The following TM9SF3 variants were observed in gnomAD, a reference collection of about 807,000 sequenced individuals.
The protein encoded by TM9SF3 is SM-11044-binding protein.
A neutral mutation model predicts 78.6 loss-of-function variants in TM9SF3; 14 were observed. That is an observed-to-expected ratio of 0.18 (90% confidence interval 0.12 to 0.28). TM9SF3 has a LOEUF of 0.28. Ranked by LOEUF, TM9SF3 falls within the 10% of genes least tolerant of loss-of-function variation. The pLI, the probability that TM9SF3 is intolerant of heterozygous loss-of-function variation, is 1.00. For missense variants in TM9SF3, 496 were observed against 721.9 expected (o/e 0.69, Z 3.59); for synonymous variants, 231 against 241.7 (o/e 0.96, Z 0.41).
At position 96,565,182 on chromosome 10, in the gene TM9SF3, G is replaced by A. The variant is rs138213272; in HGVS notation, c.421+122C>T. The A allele has an allele frequency of 3.9e-4, 376 of 967,894 alleles. 2 individuals carry two copies. The East Asian group carries it at 8.3e-3, about 21-fold the overall frequency. The allele number at this position is 967,894 out of a possible 1,614,324, so 60.0% of individuals were successfully genotyped here. A position where few individuals can be genotyped will look rare whatever the true frequency, so the allele number is the denominator to read the frequency against. Reference sequence around the variant, plus strand: ...ATAAAACTGGTATTAAAATCATTCTGTAAAAAACAGTGAAAACACATTTAC... The same window carrying A: ...ATAAAACTGGTATTAAAATCATTCTATAAAAAACAGTGAAAACACATTTAC... On this transcript the variant is annotated intron_variant, in intron 3 of 14. Transcript: ENST00000371142.
chr10:96,583,483 TAGAG>T (rs1413266768), intron 1 of TM9SF3, among the ~76,000 whole-genome samples: 2 of 152,218 alleles, frequency 1.3e-5, no homozygotes, highest in African/African-American at 4.8e-5. Flanking sequence ...AAAATCAATA[TAGAG>T]AACCACTCAA....
At position 96,565,406 on chromosome 10, in the gene TM9SF3, A is replaced by C. The variant is rs1314049584; in HGVS notation, c.319T>G (p.Tyr107Asp). 3 of 1,556,732 alleles carry C rather than the reference A, an allele frequency of 1.9e-6. No individual in the cohort carries two copies. Among genetic ancestry groups the C allele is most frequent in the African/African-American group, 1.4e-5 (1 of 70,884 alleles). Residue 107 changes from tyrosine (Y) to aspartate (D), a missense_variant, in exon 3 of 15, where the codon TAC (tyrosine) becomes GAC (aspartate). Transcript: ENST00000371142. Reference sequence around the variant, plus strand: ...TCTTTATCTAAATCAATTTCACAGTAAGTGGCTGGCATCACATCATCTGCA... The same window carrying C: ...TCTTTATCTAAATCAATTTCACAGTCAGTGGCTGGCATCACATCATCTGCA... ...KFKDDVMPAT[Y>D]CEIDLDKEKR...
At chr10:96,547,846 AATATT>A (rs1293290597) in intron 8 of TM9SF3, 44 bp downstream of exon 8, 1 of 1,474,498 alleles carries the variant, frequency 6.8e-7, no homozygotes. Context: ...CTCATAGTAA[AATATT>A]AGCATCTATA....
In TM9SF3 at chr10:96,586,785, C is replaced by A; in HGVS notation, c.51G>T (p.Trp17Cys). The A allele has an allele frequency of 7.8e-7, 1 of 1,287,760 alleles. No individual in the cohort carries two copies. The highest frequency in any genetic ancestry group is 9.8e-7 in the Non-Finnish European group (1 of 1,015,562). The allele number at this position is 1,287,760 out of a possible 1,614,324, so 79.8% of individuals were successfully genotyped here. A position where few individuals can be genotyped will look rare whatever the true frequency, so the allele number is the denominator to read the frequency against. The change falls in exon 1 of 15, where the codon TGG (tryptophan) becomes TGT (cysteine). Residue 17 changes from tryptophan to cysteine, a missense_variant. Around this residue, in one of 4 missense-constraint regions of TM9SF3, gnomAD observed 58 missense variants for 32.9 expected, o/e 1.76. Coordinates refer to ENST00000371142, the MANE Select transcript of TM9SF3 (RefSeq NM_020123.4). ...TCCGGGGCAGCAGCAGCAGCAGCAGCCACAGCGCGGCGGCCGCCGCCACGC... is the reference window on the plus strand; with the variant it reads ...TCCGGGGCAGCAGCAGCAGCAGCAGACACAGCGCGGCGGCCGCCGCCACGC... ...ALGVAAAAALWLLLLLLPRTR... is the reference protein window; with the variant it reads ...ALGVAAAAALCLLLLLLPRTR...
chr10:96,548,316 C>T (rs1848125359), intron 7 of TM9SF3, among the ~76,000 whole-genome samples: 1 of 152,140 alleles, frequency 6.6e-6, no homozygotes, highest in Admixed American at 6.6e-5. Flanking sequence ...GTAAACCAAT[C>T]CCATAATATG....
chr10:96,565,274 C>T, intron 3 of TM9SF3, 30 bp downstream of exon 3: 1 of 1,467,064 alleles, frequency 6.8e-7, no homozygotes, highest in East Asian at 2.7e-5. Flanking sequence ...CAAATTTTCC[C>T]AAATCTTAAA....
chr10:96,567,249 T>G (rs1053911530), intron 2 of TM9SF3, among the ~76,000 whole-genome samples: 11 of 151,968 alleles, frequency 7.2e-5, no homozygotes, highest in African/African-American at 2.7e-4. Flanking sequence ...CAGGCCCGAC[T>G]AATTTTTTGT....
intron 8 of TM9SF3, among the ~76,000 whole-genome samples, chr10:96,546,156 A>T (rs557171087): frequency 6.6e-6 from 1 of 152,308 alleles, no homozygotes; most frequent in East Asian, 1.9e-4. Flanking sequence ...ACTGTAGTTC[A>T]AATCCTGAGA....
intron 7 of TM9SF3, among the ~76,000 whole-genome samples, chr10:96,549,874 A>G (rs551908497): frequency 1.3e-5 from 2 of 151,592 alleles, no homozygotes; most frequent in Non-Finnish European, 2.9e-5. Flanking sequence ...TTGAAAAGGA[A>G]GCAGCAAAAA....
At chr10:96,538,364 A>G (rs1449732960) in intron 9 of TM9SF3, among the ~76,000 whole-genome samples, 1 of 152,150 alleles carries the variant, frequency 6.6e-6, no homozygotes, top group Non-Finnish European at 1.5e-5. Context: ...CTTAACTCAT[A>G]CTATATATAA....
intron 7 of TM9SF3, among the ~76,000 whole-genome samples, chr10:96,551,044 C>T (rs1848163472): frequency 6.6e-6 from 1 of 152,098 alleles, no homozygotes; most frequent in Admixed American, 6.6e-5. Flanking sequence ...TTCAGTAATG[C>T]TACTAAGTTT....
intron 14 of TM9SF3, 144 bp from the exon 15 acceptor site, chr10:96,522,474 A>G (rs1847789156): frequency 6.4e-6 from 4 of 623,794 alleles, no homozygotes; most frequent in African/African-American, 2.0e-5. Flanking sequence ...TGAACTTACT[A>G]AAACTGTATC....
rs781313962 is a variant in TM9SF3 at position 96,536,413 on chromosome 10, AC to A, written c.1186-3224del. 5.9e-5 allele frequency among the ~76,000 whole-genome samples: 9 copies of A among 152,284 alleles called. No individual in the cohort carries two copies. In the East Asian group the frequency reaches 9.6e-4, roughly 16 times the overall value. The stretch of plus-strand genomic sequence containing the variant: ...TCTATTTTTTTAAATAACACTATGT[AC>A]CCACAAAAATTAAAAATAAAAAAAC... On this transcript the variant is annotated intron_variant, in intron 9 of 14. Coordinates refer to ENST00000371142, the MANE Select transcript of TM9SF3 (RefSeq NM_020123.4).
At chr10:96,529,082 G>C (rs930687592) in intron 11 of TM9SF3, among the ~76,000 whole-genome samples, 9 of 152,096 alleles carry the variant, frequency 5.9e-5, no homozygotes, top group Admixed American at 3.9e-4. Context: ...AAGTACTGGG[G>C]ACAGGGGTAG....
intron 1 of TM9SF3, among the ~76,000 whole-genome samples, chr10:96,585,791 G>A (rs886487412): frequency 6.6e-6 from 1 of 152,108 alleles, no homozygotes; most frequent in Non-Finnish European, 1.5e-5. Flanking sequence ...AATGGTAAAG[G>A]TATAAAAAAC....
At chr10:96,534,741 AG>A (rs1206023080) in intron 9 of TM9SF3, among the ~76,000 whole-genome samples, 1 of 152,202 alleles carries the variant, frequency 6.6e-6, no homozygotes, top group African/African-American at 2.4e-5. Flanking sequence ...TTTTGAAAAT[AG>A]TTTCTTTTTA....
chr10:96,522,158 G>A lies in TM9SF3; in HGVS notation c.*105C>T, dbSNP rs974153607. ...GAAAGAGAGACCCACAAAGTACCCA[G>A]TGTGTTAAAGCCCAAATCTCTTCTT... On this transcript the variant is annotated 3_prime_UTR_variant, in exon 15 of 15. Coordinates refer to ENST00000371142, the MANE Select transcript of TM9SF3 (RefSeq NM_020123.4). 41 of 909,144 alleles carry A rather than the reference G, an allele frequency of 4.5e-5. No individual in the cohort carries two copies. Among genetic ancestry groups the A allele is most frequent in the Non-Finnish European group, 6.4e-5 (37 of 578,378 alleles). 56.3% of individuals were successfully genotyped at this position (909,144 alleles called of 1,614,324 possible).
At chr10:96,562,216 G>GT (rs34868868) in intron 3 of TM9SF3, 78 bp from the exon 4 acceptor site, 104,586 of 549,376 alleles carry the variant, frequency 0.19, 1,857 homozygotes, top group Admixed American at 0.22. Flanking sequence ...TGCTCATTAA[G>GT]TTTTTTTTTT....
intron 9 of TM9SF3, among the ~76,000 whole-genome samples, chr10:96,535,172 T>C (rs1271406581): frequency 1.3e-5 from 2 of 152,238 alleles, no homozygotes; most frequent in African/African-American, 2.4e-5. Flanking sequence ...TGTCAATATT[T>C]TCCCTTTTGT....
Sources: allele counts gnomAD v4.1 joint callset (sites outside exome capture counted in the v4.1 genomes callset), GRCh38; gene constraint gnomAD v4.1.1; regional missense constraint gnomAD v4.1.1; transcripts MANE v1.5; gene names NCBI Gene and HGNC (gene_info 2026-07-23, HGNC 2026-07-21).